GALNT10: variants seen among roughly 807,000 people sequenced by gnomAD.
GALNT10 encodes the protein polypeptide N-acetylgalactosaminyltransferase 10.
In GALNT10, 41 loss-of-function variants were observed where a neutral mutation model predicts 75.0. The ratio of observed to expected loss-of-function variants is 0.55; its 90% CI spans 0.43 to 0.71. The LOEUF (loss-of-function observed/expected upper bound fraction) is 0.71. GALNT10 is among the 30% of genes least tolerant of loss of function. The pLI, the probability that GALNT10 is intolerant of heterozygous loss-of-function variation, is 0.00. For synonymous variants in GALNT10, 302 were observed against 313.0 expected (o/e 0.96, Z 0.37); for missense variants, 727 against 818.5 (o/e 0.89, Z 1.36).
chr5:154,331,872 C>T (rs144918960), intron 4 of GALNT10, among the ~76,000 whole-genome samples: 4 of 152,268 alleles, frequency 2.6e-5, no homozygotes, highest in African/African-American at 4.8e-5. Flanking sequence ...GGGAGAAGCT[C>T]AATATGCCAG....
intron 1 of GALNT10, among the ~76,000 whole-genome samples, chr5:154,278,733 T>C (rs1753991444): frequency 6.6e-6 from 1 of 152,216 alleles, no homozygotes; most frequent in Non-Finnish European, 1.5e-5. Context: ...GTAACCTCTG[T>C]TCTACTTTCT....
chr5:154,190,875 G>C lies in GALNT10; in HGVS notation c.9G>C (p.Arg3=). Reference sequence around the variant, plus strand: ...GGGGCTGACCGGCCCCGATGAGGCGGAAGGAGAAGCGGCTCCTGCAGGCGG... The same window carrying C: ...GGGGCTGACCGGCCCCGATGAGGCGCAAGGAGAAGCGGCTCCTGCAGGCGG... The part of the protein sequence containing the change: MR[R]KEKRLLQAVA... Residue 3 remains arginine, a synonymous_variant, in exon 1 of 12, where the codon CGG becomes CGC. Coordinates refer to ENST00000297107, the MANE Select transcript of GALNT10 (RefSeq NM_198321.4). 7.1e-7 allele frequency: 1 copy of C among 1,417,552 alleles called. No homozygotes were observed. The highest frequency in any genetic ancestry group is 9.3e-7 in the Non-Finnish European group (1 of 1,078,942). 87.8% of individuals were successfully genotyped at this position (1,417,552 alleles called of 1,614,324 possible). A position where few individuals can be genotyped will look rare whatever the true frequency, so the allele number is the denominator to read the frequency against.
chr5:154,330,701 C>T (rs1754843223), intron 4 of GALNT10, among the ~76,000 whole-genome samples: 1 of 152,200 alleles, frequency 6.6e-6, no homozygotes, highest in South Asian at 2.1e-4. Flanking sequence ...AAAGCTTTCA[C>T]CAATTGCAGC....
intron 1 of GALNT10, among the ~76,000 whole-genome samples, chr5:154,198,812 C>T (rs865964995): frequency 1.3e-4 from 20 of 152,282 alleles, no homozygotes; most frequent in African/African-American, 4.8e-4. Context: ...TTCTCATCTG[C>T]CTACTTAGAT....
At position 154,409,572 on chromosome 5, in the gene GALNT10, A is replaced by G. The variant is rs752519701; in HGVS notation, c.1196A>G (p.Asp399Gly). 3.1e-6 allele frequency: 5 copies of G among 1,613,826 alleles called. No homozygotes were observed. Among genetic ancestry groups the G allele is most frequent in the Non-Finnish European group, 4.2e-6 (5 of 1,179,704 alleles). The change falls in exon 9 of 12, where the codon GAT becomes GGT. Residue 399 changes from aspartate (D) to glycine (G), a missense_variant. Transcript: ENST00000297107. This position sits in a 1 kb window ranked among gnomAD's most constrained non-coding sequence, Gnocchi z 4.5. ...NLKRVAEVWM[D>G]EYAEYIYQRR... is the part of the protein sequence containing the mutation. ...AAGCGGGTGGCCGAAGTGTGGATGG[A>G]TGAGTACGCAGAGTACATTTACCAG...
intron 1 of GALNT10, among the ~76,000 whole-genome samples, chr5:154,278,035 G>A (rs1287485981): frequency 2.6e-5 from 4 of 152,210 alleles, no homozygotes; most frequent in Admixed American, 2.6e-4. Context: ...TGGATAGATG[G>A]ATGAATGGAT....
rs115418821 is a variant in GALNT10, at chr5:154,417,111, T to G, written c.*139T>G. On this transcript the variant is annotated 3_prime_UTR_variant, in exon 12 of 12. Coordinates refer to ENST00000297107, the MANE Select transcript of GALNT10 (RefSeq NM_198321.4). ...GTTCAGGGTGAAGAGGGCTCTTGAT[T>G]CAGGGGCTGGGGTCTGCCTGGTCCT... 1.4e-6 allele frequency: 1 copy of G among 727,824 alleles called. No individual in the cohort carries two copies. Among genetic ancestry groups the G allele is most frequent in the East Asian group, 2.5e-5 (1 of 39,252 alleles). 45.1% of individuals were successfully genotyped at this position (727,824 alleles called of 1,614,324 possible).
intron 1 of GALNT10, among the ~76,000 whole-genome samples, chr5:154,242,786 A>C (rs1048080026): frequency 1.3e-5 from 2 of 152,074 alleles, no homozygotes; most frequent in Non-Finnish European, 2.9e-5. Flanking sequence ...CCCAGATATA[A>C]CCCATGCATT....
At chr5:154,287,802 A>C (rs1388687295) in intron 1 of GALNT10, among the ~76,000 whole-genome samples, 3 of 152,164 alleles carry the variant, frequency 2.0e-5, no homozygotes, top group Admixed American at 6.6e-5. Flanking sequence ...CTAATTGTCC[A>C]AACTCCCTTG....
At chr5:154,385,087 G>A (rs995717738) in intron 6 of GALNT10, among the ~76,000 whole-genome samples, 3 of 152,176 alleles carry the variant, frequency 2.0e-5, no homozygotes, top group Non-Finnish European at 4.4e-5. Context: ...GAGCTTATTC[G>A]ATCAGCCTAC....
At chr5:154,333,618 G>A (rs1020673533) in intron 4 of GALNT10, among the ~76,000 whole-genome samples, 8 of 151,950 alleles carry the variant, frequency 5.3e-5, no homozygotes, top group Non-Finnish European at 4.4e-5. Flanking sequence ...TTCATAACAA[G>A]ATCATTCTCT....
intron 4 of GALNT10, among the ~76,000 whole-genome samples, chr5:154,344,908 A>T (rs1002153703): frequency 6.6e-6 from 1 of 152,148 alleles, no homozygotes; most frequent in Non-Finnish European, 1.5e-5. Flanking sequence ...GGGAGCACCT[A>T]TTGCTGGCCA....
At chr5:154,201,928 C>T (rs997617589) in intron 1 of GALNT10, among the ~76,000 whole-genome samples, 4 of 122,622 alleles carry the variant, frequency 3.3e-5, no homozygotes, top group African/African-American at 1.0e-4. Flanking sequence ...GATTCCGTCT[C>T]GAGGAAAAGA....
At chr5:154,224,015 T>C (rs1466828815) in intron 1 of GALNT10, among the ~76,000 whole-genome samples, 2 of 152,174 alleles carry the variant, frequency 1.3e-5, no homozygotes, top group Non-Finnish European at 2.9e-5. Context: ...CTGGGATCTG[T>C]TGACTATAGC....
chr5:154,197,154 A>C (rs1303063214), intron 1 of GALNT10, among the ~76,000 whole-genome samples: 1 of 152,162 alleles, frequency 6.6e-6, no homozygotes, highest in Non-Finnish European at 1.5e-5. Context: ...AATGCTTGCC[A>C]ACACACAGTG....
intron 1 of GALNT10, among the ~76,000 whole-genome samples, chr5:154,197,409 T>C (rs968767144): frequency 1.3e-5 from 2 of 152,196 alleles, no homozygotes; most frequent in African/African-American, 2.4e-5. Context: ...CTTTGGAAGC[T>C]AGAGGAAGCT....
chr5:154,213,708 G>A (rs548230975), intron 1 of GALNT10, among the ~76,000 whole-genome samples: 22 of 152,108 alleles, frequency 1.4e-4, no homozygotes, highest in African/African-American at 4.6e-4. Flanking sequence ...CAACACCCCC[G>A]GTTGCTGGGA....
chr5:154,268,394 T>C (rs543410745), intron 1 of GALNT10, among the ~76,000 whole-genome samples: 4 of 152,124 alleles, frequency 2.6e-5, no homozygotes, highest in African/African-American at 9.7e-5. Flanking sequence ...CCAAACAGCA[T>C]CCAAGCAACT....
chr5:154,301,749 G>A (rs1379619801), intron 3 of GALNT10, among the ~76,000 whole-genome samples: 6 of 152,054 alleles, frequency 3.9e-5, no homozygotes, highest in African/African-American at 1.2e-4. Context: ...TTAAAATCTG[G>A]TACATTTTAT....
Sources: allele counts gnomAD v4.1 joint callset (sites outside exome capture counted in the v4.1 genomes callset), GRCh38; gene constraint gnomAD v4.1.1; non-coding constraint Gnocchi (gnomAD v3.1); transcripts MANE v1.5; gene names NCBI Gene and HGNC (gene_info 2026-07-23, HGNC 2026-07-21).